The following OR51C1 variants were observed in gnomAD, a reference collection of about 807,000 sequenced individuals.
The protein encoded by OR51C1 is olfactory receptor family 51 subfamily C member 1, also known as olfactory receptor OR51C1.
chr11:4,693,416 C>T, the OR51C1 span, among the ~76,000 whole-genome samples: 5 of 152,154 alleles, frequency 3.3e-5, no homozygotes, highest in African/African-American at 7.2e-5. Flanking sequence ...GCTTTCAGAA[C>T]GGCATGTGTA....
chr11:4,696,170 A>C, the OR51C1 span, among the ~76,000 whole-genome samples: 3 of 152,180 alleles, frequency 2.0e-5, no homozygotes, highest in Admixed American at 6.5e-5. Flanking sequence ...TAAAAAGTAA[A>C]TAAAATACTG....
At chr11:4,695,966 C>A in the OR51C1 span, among the ~76,000 whole-genome samples, 1 of 152,184 alleles carries the variant, frequency 6.6e-6, no homozygotes, top group Non-Finnish European at 1.5e-5. Flanking sequence ...CATAAATCTG[C>A]AATCTAATTA....
At chr11:4,697,109 C>T in the OR51C1 span, among the ~76,000 whole-genome samples, 1 of 152,202 alleles carries the variant, frequency 6.6e-6, no homozygotes, top group African/African-American at 2.4e-5. Context: ...CTGGTAAAGA[C>T]ACTGAGTATC....
chr11:4,692,213 T>C, the OR51C1 span: 1,631 of 447,252 alleles, frequency 3.6e-3, 10 homozygotes, highest in African/African-American at 0.017. Flanking sequence ...AGCCAGAAAA[T>C]ATGAAGAAAG....
chr11:4,696,399 C>G, the OR51C1 span, among the ~76,000 whole-genome samples: 2 of 152,208 alleles, frequency 1.3e-5, no homozygotes, highest in African/African-American at 4.8e-5. Context: ...CTCTTTCTCT[C>G]TCTCATCCCT....
the OR51C1 span, among the ~76,000 whole-genome samples, chr11:4,692,861 A>AG: frequency 6.8e-5 from 10 of 147,534 alleles, no homozygotes; most frequent in East Asian, 4.4e-4. Flanking sequence ...TGAAAAAAAA[A>AG]GGGGGGGTGG....
the OR51C1 span, among the ~76,000 whole-genome samples, chr11:4,694,520 A>ATG: frequency 0.029 from 4,218 of 144,156 alleles, 175 homozygotes; most frequent in East Asian, 0.22. Context: ...ATATATATAT[A>ATG]TACACACACA....
the OR51C1 span, among the ~76,000 whole-genome samples, chr11:4,694,808 A>G: frequency 2.6e-5 from 4 of 152,078 alleles, no homozygotes; most frequent in East Asian, 5.8e-4. Flanking sequence ...GGAGTGGCAG[A>G]TTTGGAGTGT....
the OR51C1 span, chr11:4,692,167 G>T: frequency 2.2e-6 from 1 of 453,600 alleles, no homozygotes; most frequent in Non-Finnish European, 4.4e-6. Flanking sequence ...TTGGTCATAA[G>T]TGTGGAAAGC....
At chr11:4,695,507 C>G in the OR51C1 span, among the ~76,000 whole-genome samples, 9 of 152,114 alleles carry the variant, frequency 5.9e-5, no homozygotes, top group Non-Finnish European at 1.3e-4. Flanking sequence ...TCTCAATTTC[C>G]TGCTGTATCT....
the OR51C1 span, among the ~76,000 whole-genome samples, chr11:4,693,918 G>T: frequency 3.3e-5 from 5 of 152,068 alleles, no homozygotes; most frequent in African/African-American, 1.2e-4. Flanking sequence ...GAGCAGAACC[G>T]TTTTTCAATA....
chr11:4,691,635 T>G, the OR51C1 span: 2 of 440,320 alleles, frequency 4.5e-6, no homozygotes, highest in Non-Finnish European at 9.1e-6. Flanking sequence ...GTGGAAGGCT[T>G]CCAGCCCAGG....
chr11:4,693,617 A>G, the OR51C1 span, among the ~76,000 whole-genome samples: 1 of 152,086 alleles, frequency 6.6e-6, no homozygotes, highest in Non-Finnish European at 1.5e-5. Context: ...GCTACTGGGG[A>G]GGCTGAGGCA....
At chr11:4,691,787 T>C in the OR51C1 span, 2 of 319,024 alleles carry the variant, frequency 6.3e-6, no homozygotes, top group East Asian at 8.1e-5. Context: ...TAAAATAATT[T>C]TATTGTACAG....
the OR51C1 span, among the ~76,000 whole-genome samples, chr11:4,694,430 A>C: frequency 6.6e-6 from 1 of 151,632 alleles, no homozygotes; most frequent in African/African-American, 2.4e-5. Flanking sequence ...TTTAGCTCCT[A>C]TCAACCAGAA....
chr11:4,695,450 C>A, the OR51C1 span, among the ~76,000 whole-genome samples: 2 of 152,282 alleles, frequency 1.3e-5, no homozygotes, highest in Admixed American at 1.3e-4. Flanking sequence ...TCATAATTAG[C>A]CTTGTGCTTT....
chr11:4,696,623 T>C, the OR51C1 span, among the ~76,000 whole-genome samples: 1 of 152,120 alleles, frequency 6.6e-6, no homozygotes, highest in Non-Finnish European at 1.5e-5. Context: ...GCACTAAATT[T>C]CCCCCAAGCT....
chr11:4,693,551 C>T, the OR51C1 span, among the ~76,000 whole-genome samples: 5 of 152,112 alleles, frequency 3.3e-5, no homozygotes, highest in East Asian at 9.6e-4. Flanking sequence ...GAAACCTCGT[C>T]TCTACTAAAA....
the OR51C1 span, among the ~76,000 whole-genome samples, chr11:4,696,599 A>G: frequency 2.0e-4 from 31 of 152,296 alleles, no homozygotes; most frequent in South Asian, 6.4e-3. Flanking sequence ...ACTAATGAAT[A>G]TCCTTAGAAG....
Sources: allele counts gnomAD v4.1 joint callset (sites outside exome capture counted in the v4.1 genomes callset), GRCh38; gene constraint gnomAD v4.1.1; transcripts MANE v1.5; gene names NCBI Gene and HGNC (gene_info 2026-07-23, HGNC 2026-07-21).